The following CATSPERB variants were observed in gnomAD, a reference collection of about 807,000 sequenced individuals.
The protein encoded by CATSPERB is catsper channel auxiliary subunit beta.
A neutral mutation model predicts 128.3 loss-of-function variants in CATSPERB; 93 were observed. The observed-to-expected ratio is 0.72, with a 90% confidence interval of 0.61 to 0.86. CATSPERB has a LOEUF of 0.86. Among genes scored for constraint, CATSPERB ranks in the 40% least tolerant of loss-of-function variants. The pLI, the probability that CATSPERB is intolerant of heterozygous loss-of-function variation, is 0.00. For synonymous variants in CATSPERB, 381 were observed against 448.8 expected (o/e 0.85, Z 1.91); for missense variants, 1,153 against 1,329.5 (o/e 0.87, Z 2.06).
In CATSPERB at chr14:91,636,458, C is replaced by A; in HGVS notation, c.1709G>T (p.Gly570Val). 1.2e-6 allele frequency: 2 copies of A among 1,614,042 alleles called. No homozygotes were observed. The highest frequency in any genetic ancestry group is 8.5e-7 in the Non-Finnish European group (1 of 1,180,002). Residue 570 changes from glycine to valine, a missense_variant, in exon 17 of 27, where the codon GGC becomes GTC. Transcript: ENST00000256343. ...TATCACTTTTCCATAGTGTATATTG[C>A]CGAACTTCTTGCTGTAGATCGTTTC... ...PQETIYSKKF[G>V]NIHYGKVIHS...
Position 91,659,893 on chromosome 14 carries a change from T to C in CATSPERB, c.1376A>G (p.Tyr459Cys), listed in dbSNP as rs76064147. The change falls in exon 15 of 27, where the codon TAT becomes TGT. Residue 459 changes from tyrosine to cysteine, a missense_variant. Coordinates refer to ENST00000256343, the MANE Select transcript of CATSPERB (RefSeq NM_024764.4). ...AGAAACAAAAGTAATAGCTGATGTA[T>C]AAAAACTATGAAAAGTCTTCTTTAT... ...DIIKKTFHSF[Y>C]TSAITFVSQR... 2,146 of 1,603,156 alleles carry C rather than the reference T, an allele frequency of 1.3e-3. 30 individuals carry two copies. The African/African-American group carries it at 0.024, about 18-fold the overall frequency.
intron 22 of CATSPERB, among the ~76,000 whole-genome samples, chr14:91,601,622 T>A (rs1378406934): frequency 6.6e-6 from 1 of 152,158 alleles, no homozygotes; most frequent in African/African-American, 2.4e-5. Flanking sequence ...GATCTGATTC[T>A]CACATTAGAG....
Position 91,672,896 on chromosome 14 carries a change from C to A in CATSPERB, c.1099G>T (p.Gly367Cys). ...VLTFLVDQER[G>C]TGVYLFYNKV... Reference sequence around the variant, plus strand: ...TTATAGAAGAGGTAAACTCCAGTACCACGCTCTTGGTCAACAAGAAATGTT... The same window carrying A: ...TTATAGAAGAGGTAAACTCCAGTACAACGCTCTTGGTCAACAAGAAATGTT... The change falls in exon 13 of 27, where the codon GGT becomes TGT. Residue 367 changes from glycine (G) to cysteine (C), a missense_variant. By Grantham distance (159) the Gly-to-Cys change is radical. Coordinates refer to ENST00000256343, the MANE Select transcript of CATSPERB (RefSeq NM_024764.4). 2 of 1,593,014 alleles carry A rather than the reference C, an allele frequency of 1.3e-6. No individual in the cohort carries two copies. The highest frequency in any genetic ancestry group is 1.7e-6 in the Non-Finnish European group (2 of 1,175,364).
chr14:91,622,961 C>CTTGG (rs1894081719), intron 18 of CATSPERB, among the ~76,000 whole-genome samples: 1 of 144,370 alleles, frequency 6.9e-6, no homozygotes, highest in East Asian at 2.0e-4. Flanking sequence ...ATGGCGCAAT[C>CTTGG]TTGGCTCACT....
intron 17 of CATSPERB, among the ~76,000 whole-genome samples, chr14:91,630,021 C>A (rs1379799900): frequency 6.6e-6 from 1 of 152,220 alleles, no homozygotes; most frequent in African/African-American, 2.4e-5. Context: ...ATTTCCCCAG[C>A]CCAGCTGATC....
chr14:91,624,893 C>G lies in CATSPERB; in HGVS notation c.1857G>C (p.Glu619Asp), dbSNP rs1894128627. The change falls in exon 18 of 27, where the codon GAG (glutamate) becomes GAC (aspartate). Residue 619 changes from glutamate (E) to aspartate (D), a missense_variant. Coordinates refer to ENST00000256343, the MANE Select transcript of CATSPERB (RefSeq NM_024764.4). The part of the protein sequence containing the change: ...KEPFGLEEVN[E>D]SSCLSSSLLI... ...AAAGGGAACTAGACAAACAAGAGCT[C>G]TCATTCACTTCTTCTAATCCAAAGG... is the stretch of plus-strand genomic sequence containing the variant. 6.2e-7 allele frequency: 1 copy of G among 1,612,736 alleles called. No individual in the cohort carries two copies. The highest frequency in any genetic ancestry group is 1.1e-5 in the South Asian group (1 of 90,610).
intron 20 of CATSPERB, among the ~76,000 whole-genome samples, chr14:91,617,375 A>C (rs926765887): frequency 6.6e-6 from 1 of 152,184 alleles, no homozygotes; most frequent in Non-Finnish European, 1.5e-5. Flanking sequence ...AAGTTTGATA[A>C]ATATATAAGT....
intron 22 of CATSPERB, among the ~76,000 whole-genome samples, chr14:91,602,793 G>T (rs550732535): frequency 6.6e-6 from 1 of 152,250 alleles, no homozygotes; most frequent in South Asian, 2.1e-4. Flanking sequence ...TGTCATCACT[G>T]TCTGCACCAA....
Position 91,621,604 on chromosome 14 carries a change from TTA to T in CATSPERB, c.2260+2_2260+3del. ...TTTATATTTTCCGATCAAAACAAAC[TTA>T]CCTTTTGCATTCCGTATGACCTTAG... On this transcript the variant is annotated splice_donor_variant and splice_donor_region_variant and intron_variant, in intron 19 of 26. Coordinates refer to ENST00000256343, the MANE Select transcript of CATSPERB (RefSeq NM_024764.4). LOFTEE classifies it high-confidence loss of function. 1 of 1,557,034 alleles carries T rather than the reference TTA, an allele frequency of 6.4e-7. No homozygotes were observed. The highest frequency in any genetic ancestry group is 8.7e-7 in the Non-Finnish European group (1 of 1,151,598).
At chr14:91,581,774 T>C (rs965100644) in intron 26 of CATSPERB, among the ~76,000 whole-genome samples, 1 of 152,224 alleles carries the variant, frequency 6.6e-6, no homozygotes, top group African/African-American at 2.4e-5. Context: ...ATGTTAAATA[T>C]AGAAGTGGGG....
chr14:91,658,605 C>A (rs201534685), intron 15 of CATSPERB, among the ~76,000 whole-genome samples: 1 of 146,072 alleles, frequency 6.8e-6, no homozygotes, highest in East Asian at 2.0e-4. Flanking sequence ...CCATTTACCC[C>A]GATATGATTA....
intron 26 of CATSPERB, among the ~76,000 whole-genome samples, chr14:91,585,054 T>A (rs768513930): frequency 3.3e-5 from 5 of 152,184 alleles, no homozygotes; most frequent in Admixed American, 6.5e-5. Flanking sequence ...TCTCATTCTG[T>A]CACCCAGACT....
chr14:91,677,471 T>C (rs1448186408), intron 11 of CATSPERB, among the ~76,000 whole-genome samples: 1 of 152,210 alleles, frequency 6.6e-6, no homozygotes, highest in Non-Finnish European at 1.5e-5. Context: ...GCAACATCAC[T>C]AATCATTAAA....
intron 20 of CATSPERB, among the ~76,000 whole-genome samples, chr14:91,611,641 A>C (rs1164749224): frequency 6.6e-6 from 1 of 152,014 alleles, no homozygotes; most frequent in Non-Finnish European, 1.5e-5. Context: ...ACCAAAACCA[A>C]AAACAAAACC....
intron 15 of CATSPERB, among the ~76,000 whole-genome samples, chr14:91,656,003 C>G (rs1238838774): frequency 6.6e-6 from 1 of 152,084 alleles, no homozygotes; most frequent in Non-Finnish European, 1.5e-5. Context: ...ACAGGCTTTT[C>G]AGTGTAAACC....
rs112952513 is a variant in CATSPERB, at chr14:91,701,753, A to C, written c.616+2799T>G. 5.9e-5 allele frequency among the ~76,000 whole-genome samples: 9 copies of C among 152,104 alleles called. 1 individual carries two copies. Among genetic ancestry groups the C allele is most frequent in the African/African-American group, 2.2e-4 (9 of 41,474 alleles). ...CCAGGAGGACAAACAAGGCCTCGCAAAGGAACTGCTAGTTGGGTGTGGTGG... is the reference window on the plus strand; with the variant it reads ...CCAGGAGGACAAACAAGGCCTCGCACAGGAACTGCTAGTTGGGTGTGGTGG... On this transcript the variant is annotated intron_variant, in intron 7 of 26. Transcript: ENST00000256343.
At chr14:91,712,903 A>G (rs1895865902) in intron 5 of CATSPERB, among the ~76,000 whole-genome samples, 1 of 152,340 alleles carries the variant, frequency 6.6e-6, no homozygotes, top group African/African-American at 2.4e-5. Flanking sequence ...CTACGCAGAC[A>G]TGGGGAGAAC....
At chr14:91,676,543 C>CTTGAATCTGCT (rs1396819754) in intron 11 of CATSPERB, among the ~76,000 whole-genome samples, 2 of 151,236 alleles carry the variant, frequency 1.3e-5, no homozygotes, top group African/African-American at 2.4e-5. Context: ...TTCTGCCTGC[C>CTTGAATCTGCT]TTGAATCTGC....
chr14:91,730,521 A>T (rs1896193971), intron 1 of CATSPERB, among the ~76,000 whole-genome samples: 1 of 152,166 alleles, frequency 6.6e-6, no homozygotes, highest in Non-Finnish European at 1.5e-5. Flanking sequence ...CTAACACAGC[A>T]TCCATGATGA....
Sources: allele counts gnomAD v4.1 joint callset (sites outside exome capture counted in the v4.1 genomes callset), GRCh38; gene constraint gnomAD v4.1.1; transcripts MANE v1.5; gene names NCBI Gene and HGNC (gene_info 2026-07-23, HGNC 2026-07-21).